Variants in NRCAM observed in about 807,000 individuals in gnomAD.
NRCAM encodes NgCAM-related cell adhesion molecule.
In NRCAM, 83 loss-of-function variants were observed where a neutral mutation model predicts 156.5. That is an observed-to-expected ratio of 0.53 (90% CI 0.44 to 0.64). The LOEUF (loss-of-function observed/expected upper bound fraction) is 0.64, where lower values mean the gene tolerates loss of function less well. Ranked by LOEUF, NRCAM falls within the 30% of genes least tolerant of loss-of-function variation. The pLI is 0.00. For missense variants in NRCAM, 1,417 were observed against 1,597.3 expected, an observed-to-expected ratio of 0.89 and a Z score of 1.92; for synonymous variants, 538 against 563.9, an observed-to-expected ratio of 0.95 and a Z score of 0.65.
At chr7:108,306,195 A>G (rs2098712463) in intron 3 of NRCAM, among the ~76,000 whole-genome samples, 1 of 152,202 alleles carries the variant, frequency 6.6e-6, no homozygotes, top group South Asian at 2.1e-4. Flanking sequence ...ATTCTTAAAA[A>G]TATCAAAATG....
intron 2 of NRCAM, among the ~76,000 whole-genome samples, chr7:108,393,773 A>C (rs1209219495): frequency 3.3e-5 from 5 of 152,208 alleles, no homozygotes; most frequent in Non-Finnish European, 7.3e-5. Flanking sequence ...AGATTGTCAC[A>C]GATCTTGATT....
chr7:108,253,868 G>A (rs919612870), intron 3 of NRCAM, among the ~76,000 whole-genome samples: 3 of 152,148 alleles, frequency 2.0e-5, no homozygotes, highest in Admixed American at 6.5e-5. Flanking sequence ...GATGACAGAA[G>A]GTTGCTGGGG....
At chr7:108,368,322 G>A (rs1468816866) in intron 2 of NRCAM, among the ~76,000 whole-genome samples, 1 of 147,002 alleles carries the variant, frequency 6.8e-6, no homozygotes, top group Non-Finnish European at 1.5e-5. Flanking sequence ...ACAGAAGTAT[G>A]GGTGAAAATT....
chr7:108,211,875 C>G (rs559769887), intron 11 of NRCAM, among the ~76,000 whole-genome samples: 1 of 152,314 alleles, frequency 6.6e-6, no homozygotes, highest in South Asian at 2.1e-4. Flanking sequence ...GCTCCACTCA[C>G]CACCAGTTCC....
chr7:108,237,874 G>T, intron 4 of NRCAM, 105 bp from the exon 5 acceptor site: 1 of 791,368 alleles, frequency 1.3e-6, no homozygotes, highest in Non-Finnish European at 1.9e-6. Flanking sequence ...GGGGCATCTT[G>T]TCTATTTGAT....
intron 2 of NRCAM, among the ~76,000 whole-genome samples, chr7:108,394,229 C>T (rs1228984280): frequency 2.0e-5 from 3 of 152,142 alleles, no homozygotes; most frequent in Non-Finnish European, 4.4e-5. Context: ...CATCAGCTGT[C>T]AACACTCCAA....
At chr7:108,307,948 T>C (rs1248922470) in intron 3 of NRCAM, among the ~76,000 whole-genome samples, 2 of 152,190 alleles carry the variant, frequency 1.3e-5, no homozygotes, top group East Asian at 1.9e-4. Flanking sequence ...TAGAGTACCA[T>C]GTGGACCTGA....
intron 2 of NRCAM, among the ~76,000 whole-genome samples, chr7:108,346,207 A>T (rs527743310): frequency 6.6e-6 from 1 of 152,158 alleles, no homozygotes; most frequent in Non-Finnish European, 1.5e-5. Flanking sequence ...GAATTTTGAG[A>T]TATCACATCC....
At chr7:108,205,703 T>A (rs1291713208) in intron 13 of NRCAM, among the ~76,000 whole-genome samples, 1 of 152,202 alleles carries the variant, frequency 6.6e-6, no homozygotes, top group Non-Finnish European at 1.5e-5. Flanking sequence ...TCATCATTTA[T>A]TGCCATTTTG....
intron 2 of NRCAM, among the ~76,000 whole-genome samples, chr7:108,371,546 G>A (rs1478718767): frequency 3.3e-5 from 5 of 152,150 alleles, no homozygotes; most frequent in Non-Finnish European, 1.5e-5. Context: ...TGCTAGAAAA[G>A]TGTTCTCAAA....
chr7:108,346,240 G>A (rs1345415597), intron 2 of NRCAM, among the ~76,000 whole-genome samples: 1 of 152,174 alleles, frequency 6.6e-6, no homozygotes, highest in Non-Finnish European at 1.5e-5. Flanking sequence ...TACGGATGAC[G>A]AAACTTTGGG....
intron 1 of NRCAM, among the ~76,000 whole-genome samples, chr7:108,443,178 C>CT (rs35882909): frequency 0.26 from 38,536 of 149,520 alleles, 5,131 homozygotes; most frequent in Non-Finnish European, 0.29. Flanking sequence ...ACAATTAGAC[C>CT]TTTTTTTTTT....
At chr7:108,181,792 T>A (rs558133860) in intron 24 of NRCAM, 30 bp downstream of exon 24, 3 of 1,508,738 alleles carry the variant, frequency 2.0e-6, no homozygotes, top group South Asian at 2.3e-5. Flanking sequence ...CCTTACTAAA[T>A]AAAGCCACAA....
At chr7:108,456,035 C>T (rs552627019) in intron 1 of NRCAM, among the ~76,000 whole-genome samples, 1 of 152,194 alleles carries the variant, frequency 6.6e-6, no homozygotes, top group Non-Finnish European at 1.5e-5. Context: ...TCTCGGCGCC[C>T]GCGGGAGTGT....
chr7:108,409,701 T>C (rs139465524), intron 1 of NRCAM, among the ~76,000 whole-genome samples: 175 of 152,300 alleles, frequency 1.1e-3, no homozygotes, highest in African/African-American at 3.8e-3. Context: ...ATGTAACCTG[T>C]AATAGACCCT....
chr7:108,167,036 A>G lies in NRCAM; in HGVS notation c.3351T>C (p.Ser1117=). The part of the protein sequence containing the change: ...EEWRKEIVNG[S]RSFFGLKGLM... ...GACCCTTTAACCCAAAGAAGCTCCGAGAACCATTTACAATTTCTTTTCTCC... is the reference window on the plus strand; with the variant it reads ...GACCCTTTAACCCAAAGAAGCTCCGGGAACCATTTACAATTTCTTTTCTCC... The change falls in exon 30 of 33, where the codon TCT becomes TCC. Residue 1117 remains serine, a synonymous_variant. Coordinates refer to ENST00000379028, the MANE Select transcript of NRCAM (RefSeq NM_001037132.4). 4 of 1,613,924 alleles carry G rather than the reference A, an allele frequency of 2.5e-6. No homozygotes were observed. The highest frequency in any genetic ancestry group is 2.5e-6 in the Non-Finnish European group (3 of 1,179,840).
At position 108,187,656 on chromosome 7, in the gene NRCAM, G is replaced by T. The variant is rs559367671; in HGVS notation, c.2035+1989C>A. ...GGGAGCAAAGGCTAAGACAGAATTAGAAGTGCAAGAGGTGGCCGGGCGCAG... is the reference window on the plus strand; with the variant it reads ...GGGAGCAAAGGCTAAGACAGAATTATAAGTGCAAGAGGTGGCCGGGCGCAG... On this transcript the variant is annotated intron_variant, in intron 20 of 32. Transcript: ENST00000379028. Among the ~76,000 whole-genome samples the T allele has an allele frequency of 2.6e-5, 4 of 152,236 alleles. 1 individual carries two copies. In the South Asian group the frequency reaches 8.3e-4, roughly 32 times the overall value.
At position 108,434,110 on chromosome 7, in the gene NRCAM, A is replaced by G. The variant is rs74345826; in HGVS notation, c.-332+22133T>C. On this transcript the variant is annotated intron_variant, in intron 1 of 32. Coordinates refer to ENST00000379028, the MANE Select transcript of NRCAM (RefSeq NM_001037132.4). ...ATCTGAACAGCATTTATTTATGACA[A>G]CTATTGAACTCAGGGTCACAACAGT... Among the ~76,000 whole-genome samples the G allele has an allele frequency of 5.9e-3, 898 of 152,318 alleles. 10 individuals are homozygous for G. The highest frequency in any genetic ancestry group is 0.02 in the African/African-American group (833 of 41,572).
chr7:108,237,866 G>T, intron 4 of NRCAM, 97 bp from the exon 5 acceptor site: 2 of 844,866 alleles, frequency 2.4e-6, no homozygotes, highest in East Asian at 2.9e-5. Context: ...AGATAAAGGG[G>T]GCATCTTGTC....
Sources: allele counts gnomAD v4.1 joint callset (sites outside exome capture counted in the v4.1 genomes callset), GRCh38; gene constraint gnomAD v4.1.1; transcripts MANE v1.5; gene names NCBI Gene and HGNC (gene_info 2026-07-23, HGNC 2026-07-21).